Variants in STRADA observed in about 807,000 individuals in gnomAD.
The protein encoded by STRADA is STE20-related kinase adapter protein alpha.
Under a neutral mutation model 55.0 loss-of-function variants are expected in STRADA, and 26 were observed. The ratio of observed to expected loss-of-function variants is 0.47; its 90% CI spans 0.35 to 0.66. STRADA has a LOEUF of 0.66. Among genes scored for constraint, STRADA ranks in the 30% least tolerant of loss-of-function variants. The pLI is 0.01. For synonymous variants in STRADA, 197 were observed against 210.9 expected (o/e 0.93, Z 0.57); for missense variants, 443 against 549.7 (o/e 0.81, Z 1.94).
rs920401409 is a variant in STRADA at position 63,710,270 on chromosome 17, C to T, written c.581+221G>A. On this transcript the variant is annotated intron_variant, in intron 8 of 12. Coordinates refer to ENST00000336174, the MANE Select transcript of STRADA (RefSeq NM_001003787.4). ...GCCAGGCTGGTCTCAAACTCCTGAC[C>T]TTGTGATCCACCTGCCTTGGCCTCC... The T allele has an allele frequency of 5.5e-5, 32 of 578,938 alleles. No individual in the cohort carries two copies. In the Middle Eastern group the frequency reaches 1.6e-3, roughly 29 times the overall value. 35.9% of individuals were successfully genotyped at this position (578,938 alleles called of 1,614,324 possible). A position where few individuals can be genotyped will look rare whatever the true frequency, so the allele number is the denominator to read the frequency against.
rs1260189333 is a variant in STRADA at position 63,739,961 on chromosome 17, G to A, written c.-45+1780C>T. Among the ~76,000 whole-genome samples the A allele has an allele frequency of 3.4e-5, 5 of 147,272 alleles. No individual in the cohort carries two copies. In the East Asian group the frequency reaches 9.9e-4, roughly 29 times the overall value. ...GCTCCGGCAGTGCACCAGGCACCCCGCCAGGCAGGTACCTGTTCCTGGTTT... is the reference window on the plus strand; with the variant it reads ...GCTCCGGCAGTGCACCAGGCACCCCACCAGGCAGGTACCTGTTCCTGGTTT... On this transcript the variant is annotated intron_variant, in intron 1 of 12. Coordinates refer to ENST00000336174, the MANE Select transcript of STRADA (RefSeq NM_001003787.4).
At position 63,704,359 on chromosome 17, in the gene STRADA, T is replaced by C; in HGVS notation, c.1082A>G (p.Gln361Arg). Residue 361 changes from glutamine (Q) to arginine (R), a missense_variant, in exon 11 of 13, where the codon CAG becomes CGG. Transcript: ENST00000336174. ...HFHHFVEQCLQRNPDARPSAS... is the reference protein window; with the variant it reads ...HFHHFVEQCLRRNPDARPSAS... The stretch of plus-strand genomic sequence containing the variant: ...GGGATACCTGGCATCCGGGTTGCGC[T>C]GAAGGCACTGCTCCACAAAGTGGTG... 6.2e-7 allele frequency: 1 copy of C among 1,611,876 alleles called. No homozygotes were observed. The highest frequency in any genetic ancestry group is 2.2e-5 in the East Asian group (1 of 44,740).
intron 1 of STRADA, among the ~76,000 whole-genome samples, chr17:63,739,805 G>GTA (rs1002701350): frequency 1.3e-4 from 4 of 30,992 alleles, no homozygotes; most frequent in African/African-American, 3.8e-4. Flanking sequence ...ATAATTATAT[G>GTA]TATATACATA....
At chr17:63,722,188 C>G (rs1445055597) in intron 4 of STRADA, among the ~76,000 whole-genome samples, 3 of 152,152 alleles carry the variant, frequency 2.0e-5, no homozygotes, top group Admixed American at 6.5e-5. Context: ...TTTCCCCCAC[C>G]ATGAAATGCA....
chr17:63,728,245 A>T, intron 2 of STRADA, 89 bp downstream of exon 2: 2 of 1,287,316 alleles, frequency 1.6e-6, no homozygotes, highest in Non-Finnish European at 2.2e-6. Flanking sequence ...TCCGACCCTC[A>T]CGTAGAAAAC....
At chr17:63,712,411 C>G (rs760967459) in intron 6 of STRADA, 1 of 152,022 alleles carries the variant, frequency 6.6e-6, no homozygotes, top group Admixed American at 6.6e-5. Context: ...ACTTGCTTCT[C>G]GAATAGAAAG....
intron 10 of STRADA, 95 bp downstream of exon 10, chr17:63,706,540 G>A (rs1018626839): frequency 2.5e-6 from 2 of 809,322 alleles, no homozygotes; most frequent in East Asian, 2.7e-5. Flanking sequence ...TTTCATCTTA[G>A]TATTCCTAGT....
chr17:63,723,184 C>T (rs758505526), intron 4 of STRADA, 114 bp downstream of exon 4: 28 of 1,256,262 alleles, frequency 2.2e-5, no homozygotes, highest in Non-Finnish European at 3.2e-5. Context: ...ACAAATAAAG[C>T]TCAGTGACAG....
At chr17:63,737,015 G>A (rs891289674) in intron 1 of STRADA, among the ~76,000 whole-genome samples, 1 of 151,890 alleles carries the variant, frequency 6.6e-6, no homozygotes. Context: ...TTGGGAGGCT[G>A]AGGAGGGCAG....
intron 1 of STRADA, among the ~76,000 whole-genome samples, chr17:63,735,186 A>T (rs1367740352): frequency 6.6e-6 from 1 of 152,214 alleles, no homozygotes; most frequent in Non-Finnish European, 1.5e-5. Context: ...TTTCACCCAT[A>T]ATGTTACTAT....
Position 63,703,442 on chromosome 17 carries a change from G to A in STRADA, c.*157C>T. The A allele has an allele frequency of 1.4e-6, 1 of 704,294 alleles. No homozygotes were observed. The highest frequency in any genetic ancestry group is 1.9e-5 in the South Asian group (1 of 51,850). The allele number at this position is 704,294 out of a possible 1,614,324, so 43.6% of individuals were successfully genotyped here. On this transcript the variant is annotated 3_prime_UTR_variant, in exon 13 of 13. Transcript: ENST00000336174. ...CTTGGAGCAGTGAAGTGTCTCTCCA[G>A]GATTTTCTTTCCCAATCAGTCAGCA... is the stretch of plus-strand genomic sequence containing the variant.
At chr17:63,704,266 C>A in intron 11 of STRADA, 75 bp downstream of exon 11, 1 of 1,584,814 alleles carries the variant, frequency 6.3e-7, no homozygotes, top group Non-Finnish European at 8.6e-7. Flanking sequence ...GGAGGTAAGT[C>A]CCTTCACACC....
intron 1 of STRADA, among the ~76,000 whole-genome samples, chr17:63,739,168 A>T (rs1346274755): frequency 6.6e-6 from 1 of 150,432 alleles, no homozygotes; most frequent in Non-Finnish European, 1.5e-5. Context: ...AAAAAAAGGG[A>T]AATAGACACA....
intron 1 of STRADA, among the ~76,000 whole-genome samples, chr17:63,735,875 CG>C (rs1216102615): frequency 6.6e-6 from 1 of 152,026 alleles, no homozygotes; most frequent in Admixed American, 6.6e-5. Flanking sequence ...AAGCCCCTGG[CG>C]TAACTGCCCA....
chr17:63,711,921 C>G (rs527714903), intron 6 of STRADA, among the ~76,000 whole-genome samples: 7 of 152,034 alleles, frequency 4.6e-5, no homozygotes, highest in African/African-American at 1.7e-4. Flanking sequence ...AGCAACAGAG[C>G]CAGACCTTGT....
rs60777564 is a variant in STRADA, at chr17:63,731,256, C to CT, written c.-44-2844dup. 1.3e-3 allele frequency among the ~76,000 whole-genome samples: 103 copies of CT among 78,042 alleles called. 3 individuals carry two copies. The highest frequency in any genetic ancestry group is 4.9e-3 in the East Asian group (14 of 2,880). The allele number at this position is 78,042 out of a possible 152,430, so 51.2% of individuals were successfully genotyped here. ...CTGCACCTGGCCCTGATATTCTTTC[C>CT]TTTTTTTTTTTTTTTTTTTTTTTCT... On this transcript the variant is annotated intron_variant, in intron 1 of 12. Coordinates refer to ENST00000336174, the MANE Select transcript of STRADA (RefSeq NM_001003787.4).
chr17:63,724,452 T>TG (rs1232314056), intron 3 of STRADA, among the ~76,000 whole-genome samples: 1 of 150,204 alleles, frequency 6.7e-6, no homozygotes, highest in East Asian at 2.0e-4. Flanking sequence ...CTACCTTTTT[T>TG]TTTTTTTGAG....
intron 1 of STRADA, among the ~76,000 whole-genome samples, chr17:63,732,334 T>C (rs2038125115): frequency 1.3e-5 from 2 of 152,038 alleles, no homozygotes; most frequent in Non-Finnish European, 2.9e-5. Context: ...CCATTCTTTT[T>C]TTGGAGACAG....
At chr17:63,729,920 C>A (rs1187292878) in intron 1 of STRADA, among the ~76,000 whole-genome samples, 1 of 151,722 alleles carries the variant, frequency 6.6e-6, no homozygotes, top group Non-Finnish European at 1.5e-5. Context: ...TCACTGCAAC[C>A]TCCGCCTCCC....
Sources: allele counts gnomAD v4.1 joint callset (sites outside exome capture counted in the v4.1 genomes callset), GRCh38; gene constraint gnomAD v4.1.1; transcripts MANE v1.5; gene names NCBI Gene and HGNC (gene_info 2026-07-23, HGNC 2026-07-21).